Variants in ZNF277 observed in about 807,000 individuals in gnomAD.
ZNF277 encodes nuclear receptor-interacting factor 4.
In ZNF277, 55 loss-of-function variants were observed where a neutral mutation model predicts 60.7. The ratio of observed to expected loss-of-function variants is 0.91; its 90% confidence interval spans 0.73 to 1.13. The LOEUF (loss-of-function observed/expected upper bound fraction) is 1.13. Among genes scored for constraint, ZNF277 ranks in the 50% most tolerant of loss-of-function variants. The pLI is 0.00. For synonymous variants in ZNF277, 178 were observed against 179.3 expected (o/e 0.99, Z 0.06); for missense variants, 510 against 523.0 (o/e 0.98, Z 0.24).
intron 4 of ZNF277, among the ~76,000 whole-genome samples, chr7:112,302,975 G>C (rs1792512332): frequency 7.3e-6 from 1 of 137,682 alleles, no homozygotes; most frequent in South Asian, 2.3e-4. Context: ...TTGAGACAGA[G>C]TGTCAGTCTG....
At chr7:112,219,468 A>G (rs1821970715) in intron 1 of ZNF277, among the ~76,000 whole-genome samples, 1 of 152,110 alleles carries the variant, frequency 6.6e-6, no homozygotes, top group Non-Finnish European at 1.5e-5. Context: ...CCATTTATTG[A>G]AGAGATTGTC....
intron 1 of ZNF277, among the ~76,000 whole-genome samples, chr7:112,213,194 C>G (rs966670377): frequency 2.0e-5 from 3 of 152,166 alleles, no homozygotes; most frequent in Non-Finnish European, 2.9e-5. Flanking sequence ...CACAAGCTCT[C>G]TCTTTGCTGC....
chr7:112,289,091 T>G (rs1792142610), intron 2 of ZNF277: 1 of 152,184 alleles, frequency 6.6e-6, no homozygotes, highest in Non-Finnish European at 1.5e-5. Flanking sequence ...TTTGAAATCT[T>G]AGTTTTCTGC....
intron 1 of ZNF277, among the ~76,000 whole-genome samples, chr7:112,274,064 G>C (rs149958582): frequency 0.012 from 1,771 of 150,698 alleles, 36 homozygotes; most frequent in African/African-American, 0.041. Flanking sequence ...TATATATCTT[G>C]TTAGAAAAGT....
intron 1 of ZNF277, among the ~76,000 whole-genome samples, chr7:112,265,864 T>C (rs1791538672): frequency 6.6e-6 from 1 of 152,174 alleles, no homozygotes; most frequent in Non-Finnish European, 1.5e-5. Flanking sequence ...AAGTATTACA[T>C]TGGTCACCCA....
At chr7:112,336,529 G>A (rs1793338548) in intron 8 of ZNF277, among the ~76,000 whole-genome samples, 1 of 152,112 alleles carries the variant, frequency 6.6e-6, no homozygotes, top group East Asian at 1.9e-4. Context: ...GAATATAACT[G>A]CATTGAAGTT....
chr7:112,223,817 G>T (rs955745677), intron 1 of ZNF277, among the ~76,000 whole-genome samples: 3 of 152,190 alleles, frequency 2.0e-5, no homozygotes, highest in Admixed American at 1.3e-4. Flanking sequence ...GACAACCATA[G>T]TCACAGGAAG....
chr7:112,207,387 TG>T (rs1821555481), intron 1 of ZNF277, among the ~76,000 whole-genome samples: 1 of 152,152 alleles, frequency 6.6e-6, no homozygotes. Context: ...CTGCTCTGGG[TG>T]TTCTTCAGAT....
At chr7:112,283,941 A>G (rs1792005058) in intron 1 of ZNF277, among the ~76,000 whole-genome samples, 1 of 152,210 alleles carries the variant, frequency 6.6e-6, no homozygotes, top group African/African-American at 2.4e-5. Flanking sequence ...ATATAACTTC[A>G]CAGCACCAAA....
chr7:112,309,955 T>C (rs1792683360), intron 4 of ZNF277, among the ~76,000 whole-genome samples: 1 of 152,092 alleles, frequency 6.6e-6, no homozygotes, highest in Non-Finnish European at 1.5e-5. Flanking sequence ...AATACAAAGC[T>C]GCCATCGTTC....
chr7:112,257,910 C>T (rs1791358299), intron 1 of ZNF277, among the ~76,000 whole-genome samples: 1 of 151,990 alleles, frequency 6.6e-6, no homozygotes, highest in South Asian at 2.1e-4. Flanking sequence ...AACTCCTAGG[C>T]TCAAGTGATC....
At chr7:112,252,059 A>G (rs1278453631) in intron 1 of ZNF277, among the ~76,000 whole-genome samples, 2 of 152,232 alleles carry the variant, frequency 1.3e-5, no homozygotes, top group African/African-American at 4.8e-5. Flanking sequence ...ATAACTTCTC[A>G]ATCCCATTTA....
intron 1 of ZNF277, among the ~76,000 whole-genome samples, chr7:112,282,592 C>T (rs1038200243): frequency 1.3e-5 from 2 of 152,244 alleles, no homozygotes; most frequent in African/African-American, 4.8e-5. Context: ...TATCCCTCTC[C>T]TCTCCTCTAT....
intron 4 of ZNF277, among the ~76,000 whole-genome samples, chr7:112,316,403 A>G (rs1325427283): frequency 6.6e-6 from 1 of 151,508 alleles, no homozygotes; most frequent in Non-Finnish European, 1.5e-5. Context: ...ACTTTTTCAT[A>G]TGATTGTTTG....
At chr7:112,322,015 C>T (rs183512059) in intron 5 of ZNF277, among the ~76,000 whole-genome samples, 143 of 151,714 alleles carry the variant, frequency 9.4e-4, no homozygotes, top group African/African-American at 3.2e-3. Context: ...TTCCAGTCTT[C>T]GGGACAGAAG....
chr7:112,284,951 C>T (rs1423367484), intron 1 of ZNF277, among the ~76,000 whole-genome samples: 1 of 152,194 alleles, frequency 6.6e-6, no homozygotes, highest in African/African-American at 2.4e-5. Context: ...CATCATGCAA[C>T]ATCGAACATC....
chr7:112,251,698 C>A (rs909447650), intron 1 of ZNF277, among the ~76,000 whole-genome samples: 2 of 152,176 alleles, frequency 1.3e-5, no homozygotes, highest in Non-Finnish European at 2.9e-5. Flanking sequence ...GTGTCCTTAT[C>A]TGAAAAGTAG....
At chr7:112,284,371 ACC>A (rs1285187391) in intron 1 of ZNF277, among the ~76,000 whole-genome samples, 3 of 152,194 alleles carry the variant, frequency 2.0e-5, no homozygotes, top group Non-Finnish European at 4.4e-5. Context: ...TACTAATGTT[ACC>A]TTTATTTAGA....
At chr7:112,238,388 T>G (rs1380819569) in intron 1 of ZNF277, among the ~76,000 whole-genome samples, 1 of 152,190 alleles carries the variant, frequency 6.6e-6, no homozygotes, top group African/African-American at 2.4e-5. Context: ...GAACCATCCA[T>G]TCCAGCCTTT....
Sources: allele counts gnomAD v4.1 joint callset (sites outside exome capture counted in the v4.1 genomes callset), GRCh38; gene constraint gnomAD v4.1.1; transcripts MANE v1.5; gene names NCBI Gene and HGNC (gene_info 2026-07-23, HGNC 2026-07-21).